Variants in TNKS observed in about 807,000 individuals in gnomAD.
TNKS encodes the protein poly [ADP-ribose] polymerase tankyrase-1.
In TNKS, 72 loss-of-function variants were observed where a neutral mutation model predicts 135.8. The observed-to-expected ratio is 0.53, with a 90% CI of 0.44 to 0.64. The LOEUF is 0.64. Ranked by LOEUF, TNKS falls within the 30% of genes least tolerant of loss-of-function variation. TNKS has a pLI of 0.00. For missense variants in TNKS, 1,769 were observed against 1,674.0 expected, an observed-to-expected ratio of 1.06 and a Z score of -0.99; for synonymous variants, 849 against 649.3, an observed-to-expected ratio of 1.31 and a Z score of -4.68.
intron 3 of TNKS, among the ~76,000 whole-genome samples, chr8:9,657,277 G>A: frequency 9.4e-6 from 1 of 106,158 alleles, no homozygotes; most frequent in Non-Finnish European, 2.1e-5. Flanking sequence ...CTCCCGGACG[G>A]GGCGGCTGGC....
chr8:9,685,450 A>C (rs77976553), intron 5 of TNKS, among the ~76,000 whole-genome samples: 12,877 of 152,196 alleles, frequency 0.085, 821 homozygotes, highest in East Asian at 0.22. Context: ...AACCTTTAGA[A>C]AATTAGATTC....
chr8:9,587,109 A>T (rs1403535069), intron 2 of TNKS, among the ~76,000 whole-genome samples: 2 of 152,210 alleles, frequency 1.3e-5, no homozygotes, highest in Non-Finnish European at 2.9e-5. Flanking sequence ...TTAAGGTTAC[A>T]GATGGAATTT....
At position 9,601,508 on chromosome 8, in the gene TNKS, A is replaced by G. The variant is rs565601423; in HGVS notation, c.899-14074A>G. On this transcript the variant is annotated intron_variant, in intron 2 of 26. Coordinates refer to ENST00000310430, the MANE Select transcript of TNKS (RefSeq NM_003747.3). ...AAGCTGGACCAAATTCTCTTTCATGATAATTTGGAACTAAGATTGAGATAA... is the reference window on the plus strand; with the variant it reads ...AAGCTGGACCAAATTCTCTTTCATGGTAATTTGGAACTAAGATTGAGATAA... Among the ~76,000 whole-genome samples the G allele has an allele frequency of 2.6e-5, 4 of 152,280 alleles. No homozygotes were observed. The East Asian group carries it at 5.8e-4, about 22-fold the overall frequency.
intron 20 of TNKS, 59 bp downstream of exon 20, chr8:9,752,685 G>A: frequency 8.1e-7 from 1 of 1,230,720 alleles, no homozygotes; most frequent in East Asian, 2.4e-5. Context: ...TAGGCTGGAT[G>A]CAGTGGTTCA....
chr8:9,757,209 C>G (rs925676205), intron 20 of TNKS, among the ~76,000 whole-genome samples: 16 of 152,048 alleles, frequency 1.1e-4, no homozygotes, highest in African/African-American at 3.9e-4. Flanking sequence ...ACTCCTGACC[C>G]CGTGATCTGC....
intron 20 of TNKS, among the ~76,000 whole-genome samples, chr8:9,760,271 T>A (rs1454912106): frequency 6.6e-6 from 1 of 152,194 alleles, no homozygotes; most frequent in Non-Finnish European, 1.5e-5. Context: ...ACCTTTCTTT[T>A]GGGTGGTTGG....
intron 2 of TNKS, among the ~76,000 whole-genome samples, chr8:9,588,497 C>T (rs990084651): frequency 2.0e-5 from 3 of 152,162 alleles, no homozygotes; most frequent in African/African-American, 7.2e-5. Flanking sequence ...AGGATGGTCT[C>T]TATCTCCTGA....
intron 3 of TNKS, among the ~76,000 whole-genome samples, chr8:9,619,314 G>T (rs1799771393): frequency 6.6e-6 from 1 of 152,170 alleles, no homozygotes; most frequent in Non-Finnish European, 1.5e-5. Context: ...TAGGGTCTTT[G>T]TTAATTATGT....
chr8:9,755,180 C>T (rs944258170), intron 20 of TNKS, among the ~76,000 whole-genome samples: 3 of 152,044 alleles, frequency 2.0e-5, no homozygotes, highest in Non-Finnish European at 2.9e-5. Context: ...ATCGTATATT[C>T]GCATTGTCAG....
chr8:9,751,849 G>A lies in TNKS; in HGVS notation c.3070+3G>A. The A allele has an allele frequency of 1.9e-6, 3 of 1,613,354 alleles. No individual in the cohort carries two copies. Among genetic ancestry groups the A allele is most frequent in the Non-Finnish European group, 2.5e-6 (3 of 1,179,336 alleles). On this transcript the variant is annotated splice_donor_region_variant and intron_variant, in intron 19 of 26. Transcript: ENST00000310430. ...AACAGAAAGGAAGGAAGGAGAAGGT[G>A]AGTAGACCCCATGAATGCTTATTTA...
chr8:9,616,005 C>A (rs565279617), intron 3 of TNKS, among the ~76,000 whole-genome samples: 1 of 152,108 alleles, frequency 6.6e-6, no homozygotes, highest in South Asian at 2.1e-4. Context: ...GTTGAGCAAG[C>A]AAGGGCATTT....
chr8:9,752,587 T>G lies in TNKS; in HGVS notation c.3114T>G (p.Leu1038=), dbSNP rs765089509. The G allele has an allele frequency of 5.6e-6, 9 of 1,613,392 alleles. No homozygotes were observed. In the Admixed American group the frequency reaches 8.3e-5, roughly 15 times the overall value. Reference sequence around the variant, plus strand: ...ATATCAGCCAATTTCTAAAAAGCCTTGGCCTTGAACACCTTCGGGATATCT... The same window carrying G: ...ATATCAGCCAATTTCTAAAAAGCCTGGGCCTTGAACACCTTCGGGATATCT... ...DMNISQFLKS[L]GLEHLRDIFE... Residue 1038 remains leucine (L), a synonymous_variant, in exon 20 of 27, where the codon CTT becomes CTG. Transcript: ENST00000310430.
At chr8:9,652,174 CAGAT>C (rs1243800322) in intron 3 of TNKS, among the ~76,000 whole-genome samples, 2 of 152,172 alleles carry the variant, frequency 1.3e-5, no homozygotes, top group African/African-American at 2.4e-5. Context: ...TAAGAACTAT[CAGAT>C]AGATATTTGT....
chr8:9,571,576 G>A (rs11780757), intron 1 of TNKS, among the ~76,000 whole-genome samples: 21,739 of 152,032 alleles, frequency 0.14, 1,767 homozygotes, highest in Admixed American at 0.24. Context: ...TCCTGCCTCA[G>A]CCTCCCAAGT....
chr8:9,557,038 A>G (rs568069324), intron 1 of TNKS: 1 of 240,604 alleles, frequency 4.2e-6, no homozygotes, highest in South Asian at 1.1e-4. Context: ...AACCCAACAC[A>G]TGTTTGAGGA....
intron 3 of TNKS, among the ~76,000 whole-genome samples, chr8:9,628,266 C>T (rs1488409400): frequency 6.6e-6 from 1 of 152,116 alleles, no homozygotes; most frequent in Non-Finnish European, 1.5e-5. Context: ...CATGGTTGCT[C>T]ACTACTTTCT....
At chr8:9,584,770 A>G (rs1349293516) in intron 2 of TNKS, among the ~76,000 whole-genome samples, 1 of 152,192 alleles carries the variant, frequency 6.6e-6, no homozygotes, top group Non-Finnish European at 1.5e-5. Flanking sequence ...CTTATTCTCT[A>G]CAATTCTCAA....
rs531418785 is a variant in TNKS at position 9,692,737 on chromosome 8, G to A, written c.1108-11926G>A. On this transcript the variant is annotated intron_variant, in intron 5 of 26. Transcript: ENST00000310430. The stretch of plus-strand genomic sequence containing the variant: ...AGCTTTTTTCCTTTCATCTCACCTC[G>A]TTAATCAATATTTATTTTCCACAAG... Among the ~76,000 whole-genome samples the A allele has an allele frequency of 1.2e-4, 19 of 152,214 alleles. 1 individual carries two copies. The East Asian group carries it at 2.5e-3, about 20-fold the overall frequency.
chr8:9,715,545 C>T (rs542978229), intron 11 of TNKS, among the ~76,000 whole-genome samples: 10 of 152,092 alleles, frequency 6.6e-5, no homozygotes, highest in Non-Finnish European at 1.3e-4. Flanking sequence ...TACCCCCCAT[C>T]TCCTCCCAGT....
Sources: gnomAD v4.1 joint callset for allele counts (sites outside exome capture counted in the v4.1 genomes callset) on GRCh38, gnomAD v4.1.1 for gene constraint, MANE v1.5 for transcripts, NCBI Gene and HGNC (gene_info 2026-07-23, HGNC 2026-07-21) for gene names.